The following HEATR5B variants were observed in gnomAD, a reference collection of about 807,000 sequenced individuals.
The protein encoded by HEATR5B is HEAT repeat containing 5B, also known as HEAT repeat-containing protein 5B.
A neutral mutation model predicts 224.1 loss-of-function variants in HEATR5B; 156 were observed. The observed-to-expected ratio is 0.70, with a 90% CI of 0.61 to 0.80. The LOEUF (loss-of-function observed/expected upper bound fraction) is 0.80. Among genes scored for constraint, HEATR5B ranks in the 30% least tolerant of loss-of-function variants. HEATR5B has a pLI of 0.00. For synonymous variants in HEATR5B, 1,027 were observed against 893.0 expected (o/e 1.15, Z -2.68); for missense variants, 2,323 against 2,535.5 (o/e 0.92, Z 1.80).
rs1197993048 is a variant in HEATR5B at position 37,007,172 on chromosome 2, G to A, written c.4655C>T (p.Ala1552Val). ...TGFTCSESTEAAAISGLQKRS... is the reference protein window; with the variant it reads ...TGFTCSESTEVAAISGLQKRS... ...TTTTTGTAAACCAGATATTGCTGCT[G>A]CTTCTGTAGACTCTGAGCACGTAAA... The change falls in exon 29 of 36, where the codon GCA (alanine) becomes GTA (valine). Residue 1552 changes from alanine (A) to valine (V), a missense_variant. Physicochemically the swap from Ala to Val is moderately conservative, Grantham distance 64. Around this residue, in one of 12 missense-constraint regions of HEATR5B, gnomAD observed 844 missense variants for 812.9 expected, o/e 1.04. Transcript: ENST00000233099. The A allele has an allele frequency of 6.2e-7, 1 of 1,613,944 alleles. No individual in the cohort carries two copies. Among genetic ancestry groups the A allele is most frequent in the Admixed American group, 1.7e-5 (1 of 59,974 alleles).
chr2:37,068,259 G>T (rs898733420), intron 8 of HEATR5B, among the ~76,000 whole-genome samples: 2 of 152,046 alleles, frequency 1.3e-5, no homozygotes, highest in African/African-American at 4.8e-5. Context: ...CTTACAGCGG[G>T]CTAATAACCA....
At chr2:37,052,914 G>A (rs927842540) in intron 17 of HEATR5B, among the ~76,000 whole-genome samples, 4 of 152,120 alleles carry the variant, frequency 2.6e-5, no homozygotes, top group Non-Finnish European at 5.9e-5. Context: ...AAATTATTTC[G>A]GGAAATTTCC....
At chr2:36,981,904 T>G (rs769645508) in intron 35 of HEATR5B, 110 bp from the exon 36 acceptor site, 1 of 705,658 alleles carries the variant, frequency 1.4e-6, no homozygotes, top group Non-Finnish European at 2.3e-6. Context: ...TAAGTACACA[T>G]GCACAGCCTA....
chr2:37,026,877 C>T (rs2148457205), intron 24 of HEATR5B, among the ~76,000 whole-genome samples: 1 of 152,314 alleles, frequency 6.6e-6, no homozygotes, highest in South Asian at 2.1e-4. Context: ...CAGCTCACTG[C>T]TACCTCCGCC....
intron 33 of HEATR5B, among the ~76,000 whole-genome samples, chr2:36,998,188 T>C (rs887763146): frequency 6.6e-6 from 1 of 152,202 alleles, no homozygotes; most frequent in Non-Finnish European, 1.5e-5. Context: ...TTCTTTGTTT[T>C]CAGTTATTTT....
intron 16 of HEATR5B, among the ~76,000 whole-genome samples, chr2:37,056,061 G>A (rs1485184641): frequency 6.6e-6 from 1 of 151,848 alleles, no homozygotes; most frequent in Non-Finnish European, 1.5e-5. Flanking sequence ...TTAGCAAACT[G>A]ATGTCCTTAA....
intron 32 of HEATR5B, among the ~76,000 whole-genome samples, chr2:37,001,559 C>T (rs1002558655): frequency 6.6e-6 from 1 of 151,784 alleles, no homozygotes; most frequent in African/African-American, 2.4e-5. Context: ...CTGAGCCTCA[C>T]TGGAAGAGGA....
chr2:37,065,953 T>C, intron 8 of HEATR5B, 43 bp from the exon 9 acceptor site: 2 of 1,559,670 alleles, frequency 1.3e-6, no homozygotes, highest in Non-Finnish European at 1.7e-6. Context: ...AGAAATGAAT[T>C]GTGGTATGAT....
At chr2:37,049,936 G>T (rs1670434323) in intron 17 of HEATR5B, 93 bp from the exon 18 acceptor site, 1 of 1,236,500 alleles carries the variant, frequency 8.1e-7, no homozygotes, top group Non-Finnish European at 1.1e-6. Context: ...CCTTGCCCAG[G>T]CTGGAGTGCA....
At chr2:36,982,867 C>T (rs1468654976) in intron 35 of HEATR5B, among the ~76,000 whole-genome samples, 2 of 125,048 alleles carry the variant, frequency 1.6e-5, no homozygotes, top group Non-Finnish European at 3.1e-5. Context: ...CACAGATACA[C>T]ACACACACAC....
At position 37,056,569 on chromosome 2, in the gene HEATR5B, G is replaced by A; in HGVS notation, c.2270C>T (p.Pro757Leu). The change falls in exon 16 of 36, where the codon CCT (proline) becomes CTT (leucine). Residue 757 changes from proline to leucine, a missense_variant. Pro to Leu is a moderately conservative substitution (Grantham distance 98). This residue lies in a region of HEATR5B where 170 missense variants were observed against 216.7 expected (regional missense o/e 0.78). Transcript: ENST00000233099. ...ASGSGALEHD[P>L]SSIYLRIPAG... ...AGGTATGCGTAAATAAATAGAGGAA[G>A]GATCATGCTCCAGAGCCCCACTTCC... 3.7e-6 allele frequency: 6 copies of A among 1,612,294 alleles called. No individual in the cohort carries two copies. Among genetic ancestry groups the A allele is most frequent in the South Asian group, 1.1e-5 (1 of 90,846 alleles).
chr2:37,027,306 G>A (rs1572838358), intron 24 of HEATR5B, among the ~76,000 whole-genome samples: 1 of 151,978 alleles, frequency 6.6e-6, no homozygotes, highest in East Asian at 1.9e-4. Flanking sequence ...AATTTCTCTG[G>A]GTCTCTTCAA....
chr2:37,008,573 G>C (rs1018186549), intron 28 of HEATR5B, 38 bp downstream of exon 28: 14 of 1,393,042 alleles, frequency 1.0e-5, no homozygotes, highest in African/African-American at 2.8e-5. Flanking sequence ...CTACTACTTT[G>C]AACTCCATAA....
chr2:36,997,598 G>A (rs1049321858), intron 33 of HEATR5B, among the ~76,000 whole-genome samples: 21 of 118,862 alleles, frequency 1.8e-4, no homozygotes, highest in Admixed American at 1.5e-3. Context: ...ACGGAGTCTC[G>A]CTCTGTAGCC....
At chr2:37,004,866 G>A (rs568448846) in intron 30 of HEATR5B, among the ~76,000 whole-genome samples, 1 of 152,164 alleles carries the variant, frequency 6.6e-6, no homozygotes, top group Admixed American at 6.5e-5. Context: ...TCCTAGGCTA[G>A]TGTTATCATT....
intron 15 of HEATR5B, 128 bp downstream of exon 15, chr2:37,057,189 T>G (rs111994404): frequency 6.9e-5 from 42 of 606,674 alleles, no homozygotes; most frequent in African/African-American, 6.2e-4. Context: ...GATGCCATCT[T>G]TAAGTGTCTA....
chr2:37,014,679 T>TAAA (rs1191901744), intron 26 of HEATR5B, among the ~76,000 whole-genome samples: 1 of 138,378 alleles, frequency 7.2e-6, no homozygotes. Context: ...AAGGGGACTT[T>TAAA]AAAAAAAAAA....
intron 12 of HEATR5B, among the ~76,000 whole-genome samples, chr2:37,059,952 A>G (rs1433647483): frequency 6.6e-6 from 1 of 152,164 alleles, no homozygotes; most frequent in Non-Finnish European, 1.5e-5. Flanking sequence ...TGAAACATGT[A>G]TCTCTCTCCC....
Position 37,083,308 on chromosome 2 carries a change from A to T in HEATR5B, c.107T>A (p.Val36Asp). ...IFEWLRFLDK[V>D]LVAANKTDVK... ...CCATACCTTGTTGGCAGCAACCAAGACTTTATCAAGAAATCGCAACCATTC... is the reference window on the plus strand; with the variant it reads ...CCATACCTTGTTGGCAGCAACCAAGTCTTTATCAAGAAATCGCAACCATTC... The change falls in exon 2 of 36, where the codon GTC becomes GAC. Residue 36 changes from valine (V) to aspartate (D), a missense_variant. Val to Asp is a radical substitution (Grantham distance 152, BLOSUM62 -3). Transcript: ENST00000233099. 1 of 1,614,118 alleles carries T rather than the reference A, an allele frequency of 6.2e-7. No individual in the cohort carries two copies.
Sources: gnomAD v4.1 joint callset for allele counts (sites outside exome capture counted in the v4.1 genomes callset) on GRCh38, gnomAD v4.1.1 for gene constraint, gnomAD v4.1.1 regional missense constraint, MANE v1.5 for transcripts, NCBI Gene and HGNC (gene_info 2026-07-23, HGNC 2026-07-21) for gene names.